TBC1D14: variants seen among roughly 807,000 people sequenced by gnomAD.
TBC1D14 encodes TBC1 domain family member 14.
TBC1D14 carries 26 observed loss-of-function variants against 79.0 expected under a neutral mutation model. The observed-to-expected ratio is 0.33, with a 90% confidence interval of 0.24 to 0.46. TBC1D14 has a LOEUF of 0.46. TBC1D14 is among the 20% of genes least tolerant of loss of function. The pLI is 1.00. For missense variants in TBC1D14, 769 were observed against 887.6 expected, an observed-to-expected ratio of 0.87 and a Z score of 1.70; for synonymous variants, 394 against 349.9, an observed-to-expected ratio of 1.13 and a Z score of -1.40.
Position 7,010,635 on chromosome 4 carries a change from C to G in TBC1D14, c.1519-18C>G. 1.9e-6 allele frequency: 3 copies of G among 1,607,130 alleles called. No homozygotes were observed. Among genetic ancestry groups the G allele is most frequent in the Non-Finnish European group, 2.5e-6 (3 of 1,177,348 alleles). On this transcript the variant is annotated intron_variant, in intron 10 of 13. Coordinates refer to ENST00000409757, the MANE Select transcript of TBC1D14 (RefSeq NM_020773.3). ...TGTGGCCACTGTGATTTTAACGTGC[C>G]TTTCTCTCCTCTCTCAGGTCCAGGG...
At chr4:7,001,925 G>T (rs188790111) in intron 7 of TBC1D14, among the ~76,000 whole-genome samples, 1 of 152,154 alleles carries the variant, frequency 6.6e-6, no homozygotes, top group African/African-American at 2.4e-5. Flanking sequence ...CCCTGCCTGC[G>T]GTCTGAGCTG....
chr4:7,013,209 C>T (rs1720942277), intron 11 of TBC1D14, among the ~76,000 whole-genome samples: 1 of 152,222 alleles, frequency 6.6e-6, no homozygotes, highest in African/African-American at 2.4e-5. Flanking sequence ...TGGGGGATGT[C>T]CTGTGCGCTG....
chr4:7,002,763 A>T (rs1179277647), intron 7 of TBC1D14, among the ~76,000 whole-genome samples: 1 of 152,220 alleles, frequency 6.6e-6, no homozygotes, highest in East Asian at 1.9e-4. Context: ...GTCCTGCTTA[A>T]TCTCGATTTT....
At chr4:7,003,923 T>C (rs1222298861) in intron 7 of TBC1D14, among the ~76,000 whole-genome samples, 3 of 151,734 alleles carry the variant, frequency 2.0e-5, no homozygotes, top group African/African-American at 4.9e-5. Flanking sequence ...AAAATTGAGA[T>C]TGAATCTGGG....
Position 6,959,086 on chromosome 4 carries a change from C to T in TBC1D14, c.723-8218C>T, listed in dbSNP as rs939271642. ...ATTTTTAGTAGAGGCGGGGTTTCACCGTTTTAGCCGGGATGGTCTGCATCT... is the reference window on the plus strand; with the variant it reads ...ATTTTTAGTAGAGGCGGGGTTTCACTGTTTTAGCCGGGATGGTCTGCATCT... On this transcript the variant is annotated intron_variant, in intron 2 of 13. Transcript: ENST00000409757. Among the ~76,000 whole-genome samples, 5 of 151,950 alleles carry T rather than the reference C, an allele frequency of 3.3e-5. No individual in the cohort carries two copies. In the South Asian group the frequency reaches 6.2e-4, roughly 19 times the overall value.
chr4:7,030,431 C>T lies in TBC1D14; in HGVS notation c.*39C>T. On this transcript the variant is annotated 3_prime_UTR_variant, in exon 14 of 14. Transcript: ENST00000409757. The stretch of plus-strand genomic sequence containing the variant: ...ATTCGCACTCGGCACCAATCAGAGC[C>T]CCATGCCGCGGCCCCTCTGTTGTTT... 1 of 1,606,814 alleles carries T rather than the reference C, an allele frequency of 6.2e-7. No individual in the cohort carries two copies. The highest frequency in any genetic ancestry group is 8.5e-7 in the Non-Finnish European group (1 of 1,173,842).
chr4:6,935,706 T>C (rs926722415), intron 2 of TBC1D14, among the ~76,000 whole-genome samples: 1 of 151,424 alleles, frequency 6.6e-6, no homozygotes, highest in African/African-American at 2.4e-5. Flanking sequence ...TGCAGTGGTG[T>C]GATCTCGGCT....
chr4:6,930,256 G>A (rs772026172), intron 2 of TBC1D14, among the ~76,000 whole-genome samples: 3 of 152,212 alleles, frequency 2.0e-5, no homozygotes, highest in Non-Finnish European at 4.4e-5. Context: ...CGGGCCAGCA[G>A]GATGAGAATG....
intron 2 of TBC1D14, among the ~76,000 whole-genome samples, chr4:6,941,012 G>T (rs1712852366): frequency 6.6e-6 from 1 of 152,106 alleles, no homozygotes; most frequent in Admixed American, 6.5e-5. Context: ...AGTTCTTGAG[G>T]GTAAACACGA....
intron 1 of TBC1D14, among the ~76,000 whole-genome samples, chr4:6,914,323 T>A (rs1723226491): frequency 6.6e-6 from 1 of 152,206 alleles, no homozygotes; most frequent in Non-Finnish European, 1.5e-5. Flanking sequence ...AAGTTCCAGG[T>A]GTCTGAAAGT....
At chr4:6,994,076 C>A in intron 3 of TBC1D14, 108 bp from the exon 4 acceptor site, 1 of 969,360 alleles carries the variant, frequency 1.0e-6, no homozygotes, top group Non-Finnish European at 1.6e-6. Flanking sequence ...GCGAATTGTC[C>A]TCGAAATTGG....
chr4:6,915,307 G>T (rs2108899923), intron 1 of TBC1D14, among the ~76,000 whole-genome samples: 2 of 152,336 alleles, frequency 1.3e-5, no homozygotes, highest in South Asian at 4.1e-4. Flanking sequence ...GAATGCTGTG[G>T]GTGCTGGGGA....
At chr4:6,954,303 G>C in intron 2 of TBC1D14, 1 of 717,538 alleles carries the variant, frequency 1.4e-6, no homozygotes, top group East Asian at 2.7e-5. Context: ...CAGTAGACAT[G>C]ATGGCCATCT....
Position 7,007,707 on chromosome 4 carries a change from C to A in TBC1D14, c.1446+981C>A, listed in dbSNP as rs1335352891. On this transcript the variant is annotated intron_variant, in intron 9 of 13. Coordinates refer to ENST00000409757, the MANE Select transcript of TBC1D14 (RefSeq NM_020773.3). Reference sequence around the variant, plus strand: ...GAGCCTGTTTCCTGGAACCCTGCTTCTCCCACAGGGCAGATTTCAGCTTCT... The same window carrying A: ...GAGCCTGTTTCCTGGAACCCTGCTTATCCCACAGGGCAGATTTCAGCTTCT... 3.4e-6 allele frequency: 3 copies of A among 869,582 alleles called. No homozygotes were observed. The South Asian group carries it at 4.3e-5, about 13-fold the overall frequency. 53.9% of individuals were successfully genotyped at this position (869,582 alleles called of 1,614,324 possible).
intron 7 of TBC1D14, 126 bp from the exon 8 acceptor site, chr4:7,004,718 G>C (rs928913957): frequency 3.9e-6 from 3 of 764,152 alleles, no homozygotes; most frequent in African/African-American, 3.5e-5. Flanking sequence ...TAAGTAGCCT[G>C]TTAAGTATGC....
intron 2 of TBC1D14, among the ~76,000 whole-genome samples, chr4:6,926,919 C>G (rs1384384237): frequency 6.6e-6 from 1 of 152,218 alleles, no homozygotes; most frequent in Non-Finnish European, 1.5e-5. Context: ...CACTTTGTCC[C>G]CTCACTCTCT....
intron 3 of TBC1D14, among the ~76,000 whole-genome samples, chr4:6,980,853 C>A (rs952730748): frequency 2.7e-5 from 4 of 150,298 alleles, no homozygotes; most frequent in Admixed American, 1.3e-4. Flanking sequence ...GTAGCTGGGA[C>A]TACAGGCGCC....
intron 2 of TBC1D14, among the ~76,000 whole-genome samples, chr4:6,943,354 C>T (rs1713097005): frequency 6.6e-6 from 1 of 152,210 alleles, no homozygotes; most frequent in African/African-American, 2.4e-5. Context: ...CTCCCTTCTT[C>T]TTGAGAATTA....
chr4:6,923,535 A>T lies in TBC1D14; in HGVS notation c.146A>T (p.Lys49Met), dbSNP rs1724029585. ...CTCTCCGCGCCTGAGTACGGGCCCAAGCTGAAACTCAGGGCTTTAGAAGAC... is the reference window on the plus strand; with the variant it reads ...CTCTCCGCGCCTGAGTACGGGCCCATGCTGAAACTCAGGGCTTTAGAAGAC... ...RLLSAPEYGP[K>M]LKLRALEDRH... The change falls in exon 2 of 14, where the codon AAG (lysine) becomes ATG (methionine). Residue 49 changes from lysine to methionine, a missense_variant. Lys to Met is a moderately conservative substitution (Grantham distance 95). Around this residue, in one of 2 missense-constraint regions of TBC1D14, gnomAD observed 402 missense variants for 393.2 expected, o/e 1.02. Transcript: ENST00000409757. 6.2e-7 allele frequency: 1 copy of T among 1,614,036 alleles called. No homozygotes were observed. Among genetic ancestry groups the T allele is most frequent in the Non-Finnish European group, 8.5e-7 (1 of 1,180,038 alleles).
Sources: allele counts gnomAD v4.1 joint callset (sites outside exome capture counted in the v4.1 genomes callset), GRCh38; gene constraint gnomAD v4.1.1; regional missense constraint gnomAD v4.1.1; transcripts MANE v1.5; gene names NCBI Gene and HGNC (gene_info 2026-07-23, HGNC 2026-07-21).